OPHN1: variants seen among roughly 807,000 people sequenced by gnomAD.
OPHN1 encodes oligophrenin-1.
A neutral mutation model predicts 60.7 loss-of-function variants in OPHN1; 11 were observed. The observed-to-expected ratio is 0.18, with a 90% CI of 0.11 to 0.30. The LOEUF is 0.30. Ranked by LOEUF, OPHN1 falls within the 10% of genes least tolerant of loss-of-function variation. The probability of loss-of-function intolerance (pLI) is 1.00; values close to 1 mark genes in which losing one functional copy is unlikely to be tolerated. For synonymous variants in OPHN1, 226 were observed against 222.6 expected, an observed-to-expected ratio of 1.02 and a Z score of -0.14; for missense variants, 449 against 611.0, an observed-to-expected ratio of 0.73 and a Z score of 2.80.
intron 21 of OPHN1, among the ~76,000 whole-genome samples, chrX:68,059,672 A>C (rs1239578522): frequency 8.9e-6 from 1 of 111,857 alleles, no homozygotes; most frequent in Non-Finnish European, 1.9e-5. Flanking sequence ...AACATTAGTC[A>C]CCTCAGTGGA....
At chrX:68,410,157 A>G (rs1775177885) in intron 2 of OPHN1, among the ~76,000 whole-genome samples, 1 of 112,239 alleles carries the variant, frequency 8.9e-6, no homozygotes. Context: ...ACTATATGAT[A>G]CAGCAATTAC....
At chrX:68,178,304 T>C (rs1297981388) in intron 15 of OPHN1, among the ~76,000 whole-genome samples, 1 of 112,326 alleles carries the variant, frequency 8.9e-6, no homozygotes, top group African/African-American at 3.2e-5. Flanking sequence ...CCCAAATGTA[T>C]GGCCAGTTAT....
chrX:68,344,444 TTTACAAAAA>T lies in OPHN1; in HGVS notation c.155-45357_155-45349del, dbSNP rs1190555165. Among the ~76,000 whole-genome samples, 4 of 110,398 alleles carry T rather than the reference TTTACAAAAA, an allele frequency of 3.6e-5. No homozygotes were observed. In the Admixed American group the frequency reaches 3.9e-4, roughly 11 times the overall value. ...CTGGCCGACATGGTGAAACCCCACC[TTTACAAAAA>T]TTACAAAAATTAGCCAGACATGGAG... On this transcript the variant is annotated intron_variant, in intron 2 of 24. Transcript: ENST00000355520.
Position 68,228,727 on chromosome X carries a change from A to C in OPHN1, c.486+5760T>G, listed in dbSNP as rs181504584. 5.7e-3 allele frequency among the ~76,000 whole-genome samples: 628 copies of C among 111,003 alleles called. 2 individuals are homozygous for C. The highest frequency in any genetic ancestry group is 8.7e-3 in the Non-Finnish European group (463 of 53,052). On this transcript the variant is annotated intron_variant, in intron 6 of 24. Coordinates refer to ENST00000355520, the MANE Select transcript of OPHN1 (RefSeq NM_002547.3). ...AATTCAACAGCCATTCATGCTAAAA[A>C]CTCTAAACAAACTAGGTATTGATAG...
chrX:68,111,342 G>A (rs1252864124), intron 18 of OPHN1, among the ~76,000 whole-genome samples: 2 of 112,369 alleles, frequency 1.8e-5, no homozygotes, highest in African/African-American at 6.5e-5. Flanking sequence ...CTCAGTGCCT[G>A]TCACCAGGAC....
At chrX:68,120,215 G>A (rs1025950914) in intron 15 of OPHN1, among the ~76,000 whole-genome samples, 1 of 111,199 alleles carries the variant, frequency 9.0e-6, no homozygotes, top group African/African-American at 3.3e-5. Context: ...ATGTAACCAC[G>A]GAAATATGAC....
At chrX:68,092,380 C>T (rs1431758693) in intron 19 of OPHN1, among the ~76,000 whole-genome samples, 1 of 111,879 alleles carries the variant, frequency 8.9e-6, no homozygotes, top group Admixed American at 9.5e-5. Context: ...ACCCATATAT[C>T]ATTCTGCTAT....
chrX:68,250,273 T>A (rs1487711867), intron 5 of OPHN1, among the ~76,000 whole-genome samples: 1 of 112,712 alleles, frequency 8.9e-6, no homozygotes, highest in African/African-American at 3.2e-5. Flanking sequence ...ACTTATAAAG[T>A]CATCTTTAAA....
At chrX:68,208,545 C>A (rs1267530480) in intron 9 of OPHN1, among the ~76,000 whole-genome samples, 1 of 112,242 alleles carries the variant, frequency 8.9e-6, no homozygotes, top group Non-Finnish European at 1.9e-5. Flanking sequence ...TCTCCCATCA[C>A]TTTACACTTC....
chrX:68,225,161 G>C (rs1441516456), intron 6 of OPHN1, among the ~76,000 whole-genome samples: 2 of 112,000 alleles, frequency 1.8e-5, no homozygotes, highest in Non-Finnish European at 1.9e-5. Context: ...CAAGGCAGCA[G>C]CGAGGCTGGG....
chrX:68,324,555 T>C (rs2078250290), intron 2 of OPHN1, among the ~76,000 whole-genome samples: 1 of 105,697 alleles, frequency 9.5e-6, no homozygotes, highest in African/African-American at 3.5e-5. Context: ...AAGGCTGCAG[T>C]GTCAGATGTG....
intron 15 of OPHN1, among the ~76,000 whole-genome samples, chrX:68,177,537 TA>T (rs35143852): frequency 0.42 from 44,744 of 107,520 alleles, 7,791 homozygotes; most frequent in African/African-American, 0.61. Context: ...ATAATTTAAT[TA>T]AAAAAAAAGA....
At chrX:68,080,304 T>A (rs1376989401) in intron 19 of OPHN1, among the ~76,000 whole-genome samples, 1 of 112,516 alleles carries the variant, frequency 8.9e-6, no homozygotes, top group Non-Finnish European at 1.9e-5. Flanking sequence ...TTTAGTTCTT[T>A]GGTTATTTTA....
chrX:68,361,393 T>C (rs1030022404), intron 2 of OPHN1, among the ~76,000 whole-genome samples: 2 of 107,492 alleles, frequency 1.9e-5, no homozygotes, highest in Admixed American at 2.0e-4. Flanking sequence ...AACAGGAGAA[T>C]CCCTTGAACT....
chrX:68,412,625 T>C (rs896240015), intron 2 of OPHN1, among the ~76,000 whole-genome samples: 1 of 112,103 alleles, frequency 8.9e-6, no homozygotes, highest in African/African-American at 3.2e-5. Context: ...TTAAAAATGA[T>C]TAAGATGGTA....
intron 16 of OPHN1, among the ~76,000 whole-genome samples, chrX:68,115,540 C>T (rs944203832): frequency 3.6e-5 from 4 of 112,203 alleles, no homozygotes; most frequent in East Asian, 2.8e-4. Flanking sequence ...TCAAAGAAGG[C>T]TTGTTAACAA....
chrX:68,054,625 C>G (rs2076865623), intron 21 of OPHN1, among the ~76,000 whole-genome samples: 1 of 111,340 alleles, frequency 9.0e-6, no homozygotes, highest in Non-Finnish European at 1.9e-5. Flanking sequence ...CAAAAACATG[C>G]ATCTTATCAG....
chrX:68,246,788 CAT>C (rs957338379), intron 5 of OPHN1, among the ~76,000 whole-genome samples: 5 of 111,156 alleles, frequency 4.5e-5, no homozygotes, highest in African/African-American at 1.6e-4. Flanking sequence ...ATATACTATG[CAT>C]AGTCTAGATA....
intron 6 of OPHN1, among the ~76,000 whole-genome samples, chrX:68,231,482 T>C (rs916319354): frequency 8.9e-6 from 1 of 111,762 alleles, no homozygotes. Context: ...TGTATATCCC[T>C]AAAAGCCTGC....
Sources: gnomAD v4.1 joint callset for allele counts (sites outside exome capture counted in the v4.1 genomes callset) on GRCh38, gnomAD v4.1.1 for gene constraint, MANE v1.5 for transcripts, NCBI Gene and HGNC (gene_info 2026-07-23, HGNC 2026-07-21) for gene names.